GOLGA8A: variants seen among roughly 807,000 people sequenced by gnomAD.
GOLGA8A encodes golgin subfamily A member 8A.
A neutral mutation model predicts 22.1 loss-of-function variants in GOLGA8A; 3 were observed. That is an observed-to-expected ratio of 0.14 (90% CI 0.06 to 0.35). The LOEUF is 0.35. Ranked by LOEUF, GOLGA8A falls within the 10% of genes least tolerant of loss-of-function variation. GOLGA8A has a pLI of 1.00. For synonymous variants in GOLGA8A, 7 were observed against 91.7 expected, an observed-to-expected ratio of 0.08 and a Z score of 5.28; for missense variants, 16 against 233.2, an observed-to-expected ratio of 0.07 and a Z score of 6.07.
At chr15:34,435,730 C>T (rs1163235239) in intron 1 of GOLGA8A, among the ~76,000 whole-genome samples, 3 of 148,742 alleles carry the variant, frequency 2.0e-5, no homozygotes, top group African/African-American at 7.5e-5. Flanking sequence ...ACCACACTTC[C>T]TAACAAATGA....
chr15:34,433,182 GAGTC>G (rs1301413362), intron 2 of GOLGA8A, among the ~76,000 whole-genome samples: 1 of 148,312 alleles, frequency 6.7e-6, no homozygotes. Flanking sequence ...ACGCAGGAGA[GAGTC>G]AGGCAGGAGG....
Position 34,424,101 on chromosome 15 carries a change from C to T in GOLGA8A, c.-1123+11282G>A, listed in dbSNP as rs556129142. Among the ~76,000 whole-genome samples, 28 of 148,800 alleles carry T rather than the reference C, an allele frequency of 1.9e-4. 3 individuals are homozygous for T. The highest frequency in any genetic ancestry group is 1.4e-3 in the Admixed American group (21 of 14,824). ...TGGGTGAGTACCCATGTGACAGCCC[C>T]CGCCAGACCACTGCCCTTGCCTGGA... On this transcript the variant is annotated intron_variant, in intron 2 of 24. Transcript: ENST00000359187.
intron 2 of GOLGA8A, chr15:34,418,341 G>A (rs1172635657): frequency 7.1e-6 from 1 of 140,244 alleles, no homozygotes; most frequent in Non-Finnish European, 1.5e-5. Context: ...GATGTTTTCA[G>A]GCTCTGAAGC....
intron 2 of GOLGA8A, chr15:34,418,307 T>C (rs948302708): frequency 7.2e-6 from 1 of 138,978 alleles, no homozygotes; most frequent in African/African-American, 2.6e-5. Flanking sequence ...TCTAGGCCAG[T>C]TGTCAGTCCT....
chr15:34,436,320 G>A (rs1009015481), intron 1 of GOLGA8A, among the ~76,000 whole-genome samples: 1 of 149,496 alleles, frequency 6.7e-6, no homozygotes, highest in Non-Finnish European at 1.5e-5. Flanking sequence ...AAACAAAGAG[G>A]CACAGAAGGC....
At chr15:34,400,923 ATGTC>A (rs1566906007) in intron 5 of GOLGA8A, among the ~76,000 whole-genome samples, 164 bp from the exon 6 acceptor site, 1 of 84,648 alleles carries the variant, frequency 1.2e-5, no homozygotes, top group Admixed American at 1.3e-4. Flanking sequence ...GTATTCTTTT[ATGTC>A]TGTTTTTTTC....
intron 2 of GOLGA8A, among the ~76,000 whole-genome samples, chr15:34,434,518 G>C (rs941561205): frequency 2.0e-5 from 3 of 149,134 alleles, no homozygotes; most frequent in Non-Finnish European, 3.0e-5. Context: ...AGAAACGACA[G>C]TGCCCATGAC....
chr15:34,430,602 G>C lies in GOLGA8A; in HGVS notation c.-1123+4781C>G, dbSNP rs536291082. Among the ~76,000 whole-genome samples the C allele has an allele frequency of 1.1e-4, 16 of 149,582 alleles. 2 individuals carry two copies. Among genetic ancestry groups the C allele is most frequent in the African/African-American group, 3.9e-4 (16 of 40,622 alleles). ...TGACAGCTTTCACGCGTACTAGCCA[G>C]AATCAGTTAGAGGCTGGAGGTAGTG... On this transcript the variant is annotated intron_variant, in intron 2 of 24. Transcript: ENST00000359187.
chr15:34,435,719 G>A lies in GOLGA8A; in HGVS notation c.-1211-248C>T, dbSNP rs1037387710. Among the ~76,000 whole-genome samples the A allele has an allele frequency of 3.4e-5, 5 of 148,672 alleles. 1 individual carries two copies. Among genetic ancestry groups the A allele is most frequent in the African/African-American group, 1.2e-4 (5 of 40,206 alleles). On this transcript the variant is annotated intron_variant, in intron 1 of 24. Transcript: ENST00000359187. ...GAGCCAGACAGTGGGGAGGAGCACAGACCACACTTCCTAACAAATGAGAGG... is the reference window on the plus strand; with the variant it reads ...GAGCCAGACAGTGGGGAGGAGCACAAACCACACTTCCTAACAAATGAGAGG...
chr15:34,426,969 A>G (rs1182361854), intron 2 of GOLGA8A, among the ~76,000 whole-genome samples: 2 of 146,342 alleles, frequency 1.4e-5, no homozygotes, highest in East Asian at 4.1e-4. Flanking sequence ...GACCTACCCA[A>G]GCAGCCTCTA....
At chr15:34,433,344 G>T (rs1387006266) in intron 2 of GOLGA8A, among the ~76,000 whole-genome samples, 5 of 149,124 alleles carry the variant, frequency 3.4e-5, no homozygotes, top group African/African-American at 1.2e-4. Context: ...CACATCCGAG[G>T]TGACTGCAGG....
At chr15:34,436,619 G>T (rs184162236) in intron 1 of GOLGA8A, among the ~76,000 whole-genome samples, 2 of 150,032 alleles carry the variant, frequency 1.3e-5, no homozygotes, top group Admixed American at 6.7e-5. Flanking sequence ...CCTCCGCGTC[G>T]GCCCGGAGAA....
chr15:34,437,082 G>A (rs1315109694), intron 1 of GOLGA8A, among the ~76,000 whole-genome samples: 1 of 148,474 alleles, frequency 6.7e-6, no homozygotes, highest in Non-Finnish European at 1.5e-5. Context: ...AGCGCCACTT[G>A]CCGGCGCCGA....
At chr15:34,421,407 T>C (rs1216276526) in intron 2 of GOLGA8A, among the ~76,000 whole-genome samples, 5 of 141,702 alleles carry the variant, frequency 3.5e-5, no homozygotes, top group Non-Finnish European at 7.7e-5. Flanking sequence ...TATAAAAGAC[T>C]GACTGTGGCA....
chr15:34,420,740 G>A (rs1414328911), intron 2 of GOLGA8A, among the ~76,000 whole-genome samples: 1 of 124,836 alleles, frequency 8.0e-6, no homozygotes, highest in Admixed American at 8.3e-5. Context: ...GGCTGAAAGC[G>A]TCACCCGAGT....
chr15:34,426,386 T>G (rs1423163532), intron 2 of GOLGA8A, among the ~76,000 whole-genome samples: 1 of 146,208 alleles, frequency 6.8e-6, no homozygotes, highest in African/African-American at 2.5e-5. Flanking sequence ...AAAAGACAAG[T>G]AAAATACGTC....
rs1312292776 is a variant in GOLGA8A at position 34,433,537 on chromosome 15, C to A, written c.-1123+1846G>T. Among the ~76,000 whole-genome samples the A allele has an allele frequency of 1.3e-4, 19 of 149,472 alleles. 2 individuals are homozygous for A. In the Admixed American group the frequency reaches 1.3e-3, roughly 10 times the overall value. On this transcript the variant is annotated intron_variant, in intron 2 of 24. Transcript: ENST00000359187. ...CGTTGCACTGTACAACTCTGAAGCT[C>A]TTTCTTGACTGCCCACTGAATGAGG...
chr15:34,431,918 A>T (rs73376095), intron 2 of GOLGA8A, among the ~76,000 whole-genome samples: 8 of 149,090 alleles, frequency 5.4e-5, no homozygotes, highest in South Asian at 2.2e-4. Flanking sequence ...GCTATCATTC[A>T]CCAAAACAAT....
At position 34,431,343 on chromosome 15, in the gene GOLGA8A, A is replaced by G. The variant is rs11635766; in HGVS notation, c.-1123+4040T>C. Among the ~76,000 whole-genome samples the G allele has an allele frequency of 7.5e-5, 9 of 119,310 alleles. 1 individual carries two copies. The highest frequency in any genetic ancestry group is 1.6e-4 in the Non-Finnish European group (9 of 56,238). 78.3% of individuals were successfully genotyped at this position (119,310 alleles called of 152,430 possible). On this transcript the variant is annotated intron_variant, in intron 2 of 24. Transcript: ENST00000359187. ...TATATATATATATATATATATATAT[A>G]TATCTCACACACACACACTCGTGTC...
Sources: gnomAD v4.1 joint callset for allele counts (sites outside exome capture counted in the v4.1 genomes callset) on GRCh38, gnomAD v4.1.1 for gene constraint, MANE v1.5 for transcripts, NCBI Gene and HGNC (gene_info 2026-07-23, HGNC 2026-07-21) for gene names.